The following ATG2B variants were observed in gnomAD, a reference collection of about 807,000 sequenced individuals.
ATG2B encodes the protein autophagy-related protein 2 homolog B.
In ATG2B, 121 loss-of-function variants were observed where a neutral mutation model predicts 241.3. That is an observed-to-expected ratio of 0.50 (90% confidence interval 0.43 to 0.58). ATG2B has a LOEUF of 0.58. ATG2B is among the 20% of genes least tolerant of loss of function. The pLI is 0.00. For missense variants in ATG2B, 2,306 were observed against 2,491.6 expected (o/e 0.93, Z 1.59); for synonymous variants, 858 against 876.6 (o/e 0.98, Z 0.37).
At chr14:96,291,239 G>A (rs1886476075) in intron 38 of ATG2B, among the ~76,000 whole-genome samples, 1 of 152,020 alleles carries the variant, frequency 6.6e-6, no homozygotes, top group Non-Finnish European at 1.5e-5. Flanking sequence ...TTTTTCCAAT[G>A]TTCTTATTTC....
rs1454025744 is a variant in ATG2B at position 96,303,168 on chromosome 14, T to C, written c.4930A>G (p.Ile1644Val). 2.5e-6 allele frequency: 4 copies of C among 1,613,488 alleles called. No individual in the cohort carries two copies. Among genetic ancestry groups the C allele is most frequent in the African/African-American group, 2.7e-5 (2 of 75,004 alleles). The change falls in exon 33 of 42, where the codon ATT becomes GTT. Residue 1644 changes from isoleucine (I) to valine (V), a missense_variant. By Grantham distance (29) the Ile-to-Val change is conservative. This residue lies in a region of ATG2B where 1,927 missense variants were observed against 2,011.2 expected (regional missense o/e 0.96). Coordinates refer to ENST00000359933, the MANE Select transcript of ATG2B (RefSeq NM_018036.7). ...TCTCGAATCTCAAGATCCTGAACAA[T>C]GAACACCTGCCGGGAGACTGGGTGT... ...SEHPVSRQVF[I>V]VQDLEIRDRL... is the part of the protein sequence containing the mutation.
In ATG2B at chr14:96,313,175, CAAAA is replaced by C; in HGVS notation, c.3750-22_3750-19del. On this transcript the variant is annotated intron_variant, in intron 24 of 41. Coordinates refer to ENST00000359933, the MANE Select transcript of ATG2B (RefSeq NM_018036.7). The stretch of plus-strand genomic sequence containing the variant: ...AAAGGGGTCTAATGCCAAAGAGAAA[CAAAA>C]GAACATCAGTTTGATACGGCTCCAG... 6.4e-7 allele frequency: 1 copy of C among 1,573,450 alleles called. No homozygotes were observed. Among genetic ancestry groups the C allele is most frequent in the Non-Finnish European group, 8.7e-7 (1 of 1,144,886 alleles).
Position 96,317,755 on chromosome 14 carries a change from G to A in ATG2B, c.2980C>T (p.Leu994Phe). Residue 994 changes from leucine (L) to phenylalanine (F), a missense_variant, in exon 19 of 42, where the codon CTC becomes TTC. Physicochemically the swap from Leu to Phe is conservative, Grantham distance 22 (BLOSUM62 0). Around this residue, in one of 2 missense-constraint regions of ATG2B, gnomAD observed 1,927 missense variants for 2,011.2 expected, o/e 0.96. Transcript: ENST00000359933. ...YGIGLSVASQLINTFNKDSFS... is the reference protein window; with the variant it reads ...YGIGLSVASQFINTFNKDSFS... ...CTATCTTTGTTGAAAGTATTAATGA[G>A]CTGACTGGCTACTGAAAGCCCAATG... The A allele has an allele frequency of 1.9e-6, 3 of 1,613,160 alleles. No homozygotes were observed. The highest frequency in any genetic ancestry group is 2.5e-6 in the Non-Finnish European group (3 of 1,179,354).
chr14:96,313,274 C>A (rs773165347), intron 24 of ATG2B, 55 bp downstream of exon 24: 1 of 1,433,238 alleles, frequency 7.0e-7, no homozygotes, highest in Non-Finnish European at 9.6e-7. Context: ...GTATTTTTTT[C>A]AAAATTTAGT....
chr14:96,289,834 G>A lies in ATG2B; in HGVS notation c.5857-29C>T. ...GATCATTTTGTCAAAAGGAAGAAAT[G>A]AATTAGAAGAAAGTCTGAAGAGTTA... On this transcript the variant is annotated intron_variant, in intron 40 of 41. Coordinates refer to ENST00000359933, the MANE Select transcript of ATG2B (RefSeq NM_018036.7). This position sits in a 1 kb window ranked among gnomAD's most constrained non-coding sequence, Gnocchi z 4.3. 6.2e-7 allele frequency: 1 copy of A among 1,612,530 alleles called. No homozygotes were observed. Among genetic ancestry groups the A allele is most frequent in the Non-Finnish European group, 8.5e-7 (1 of 1,179,032 alleles).
chr14:96,325,643 T>C lies in ATG2B; in HGVS notation c.2437+6A>G, dbSNP rs74086418. 788 of 1,607,852 alleles carry C rather than the reference T, an allele frequency of 4.9e-4. 5 individuals are homozygous for C. The African/African-American group carries it at 9.7e-3, about 20-fold the overall frequency. Reference sequence around the variant, plus strand: ...ATGGTTCTTTTACAGGCACATTCAATCTTACCAATTAGTTCTCTAAAGGTA... The same window carrying C: ...ATGGTTCTTTTACAGGCACATTCAACCTTACCAATTAGTTCTCTAAAGGTA... On this transcript the variant is annotated splice_donor_region_variant and intron_variant, in intron 15 of 41. Transcript: ENST00000359933.
At chr14:96,317,078 T>C in intron 20 of ATG2B, 67 bp downstream of exon 20, 1 of 1,359,526 alleles carries the variant, frequency 7.4e-7, no homozygotes, top group Non-Finnish European at 1.0e-6. Context: ...TCACTAGATA[T>C]GTATCCTAGC....
At chr14:96,291,011 T>A in intron 38 of ATG2B, 76 bp from the exon 39 acceptor site, 1 of 1,334,402 alleles carries the variant, frequency 7.5e-7, no homozygotes, top group Non-Finnish European at 1.0e-6. Context: ...GGTTTTTTTT[T>A]ACTTAAAACA....
At position 96,305,680 on chromosome 14, in the gene ATG2B, A is replaced by G. The variant is rs1381044797; in HGVS notation, c.4642T>C (p.Tyr1548His). The G allele has an allele frequency of 3.7e-6, 6 of 1,614,190 alleles. No homozygotes were observed. The highest frequency in any genetic ancestry group is 5.1e-6 in the Non-Finnish European group (6 of 1,180,016). The change falls in exon 31 of 42, where the codon TAT becomes CAT. Residue 1548 changes from tyrosine (Y) to histidine (H), a missense_variant. Tyr to His is a moderately conservative substitution (Grantham distance 83, BLOSUM62 2). This residue lies in a region of ATG2B where 1,927 missense variants were observed against 2,011.2 expected (regional missense o/e 0.96). Transcript: ENST00000359933. The part of the protein sequence containing the change: ...PLHFPIPVIR[Y>H]VVKEVSLVWH... ...ACAAGAGAGACCTCCTTCACCACATAGCGAATCACAGGAATGGGAAAGTGT... is the reference window on the plus strand; with the variant it reads ...ACAAGAGAGACCTCCTTCACCACATGGCGAATCACAGGAATGGGAAAGTGT...
Position 96,344,677 on chromosome 14 carries a change from A to G in ATG2B, c.558T>C (p.Thr186=), listed in dbSNP as rs764089540. The change falls in exon 4 of 42, where the codon ACT becomes ACC. Residue 186 remains threonine (T), a synonymous_variant. Transcript: ENST00000359933. ...ACCTTTCTATTCGAATTTCAAGTGC[A>G]GTTCCAGTTTTGGAATTTTCTGGCA... ...EHVPENSKTG[T]ALEIRIERTV... The G allele has an allele frequency of 6.2e-6, 10 of 1,603,864 alleles. No individual in the cohort carries two copies. In the East Asian group the frequency reaches 2.2e-4, roughly 36 times the overall value.
rs138698161 is a variant in ATG2B at position 96,340,631 on chromosome 14, G to C, written c.924+891C>G. On this transcript the variant is annotated intron_variant, in intron 6 of 41. Transcript: ENST00000359933. Reference sequence around the variant, plus strand: ...AACTTACACTTAAAAATAGTAAAGGGTCCTGGTGAGGTGGCTCATGCCTAT... The same window carrying C: ...AACTTACACTTAAAAATAGTAAAGGCTCCTGGTGAGGTGGCTCATGCCTAT... Among the ~76,000 whole-genome samples, 820 of 152,176 alleles carry C rather than the reference G, an allele frequency of 5.4e-3. 27 individuals carry two copies. The South Asian group carries it at 0.067, about 12-fold the overall frequency.
At chr14:96,341,081 G>A (rs1888022199) in intron 6 of ATG2B, among the ~76,000 whole-genome samples, 1 of 151,942 alleles carries the variant, frequency 6.6e-6, no homozygotes, top group African/African-American at 2.4e-5. Context: ...AAATAGATGG[G>A]TAGATATTTT....
chr14:96,334,371 TA>T, intron 7 of ATG2B, 33 bp downstream of exon 7: 1 of 1,393,722 alleles, frequency 7.2e-7, no homozygotes, highest in Non-Finnish European at 9.8e-7. Context: ...TTTAAAAAAG[TA>T]ACAAGTATAT....
chr14:96,308,191 TATATATAC>T (rs1187986770), intron 29 of ATG2B, among the ~76,000 whole-genome samples: 9 of 133,698 alleles, frequency 6.7e-5, no homozygotes, highest in African/African-American at 2.3e-4. Flanking sequence ...TACATAAATA[TATATATAC>T]ATATATATAT....
At chr14:96,310,631 C>G (rs574348575) in intron 28 of ATG2B, among the ~76,000 whole-genome samples, 35 of 152,202 alleles carry the variant, frequency 2.3e-4, no homozygotes, top group Admixed American at 3.3e-4. Flanking sequence ...TTTAACCTCT[C>G]TATCTCACCA....
intron 8 of ATG2B, 62 bp downstream of exon 8, chr14:96,333,626 A>G: frequency 1.3e-6 from 2 of 1,485,282 alleles, no homozygotes; most frequent in South Asian, 2.5e-5. Flanking sequence ...AGCCAAAATT[A>G]AGTGTAATTT....
chr14:96,336,310 G>A (rs1887867258), intron 6 of ATG2B, among the ~76,000 whole-genome samples: 1 of 152,102 alleles, frequency 6.6e-6, no homozygotes, highest in South Asian at 2.1e-4. Context: ...TGAGATCTAT[G>A]TTTCTCAATA....
In ATG2B at chr14:96,322,211, T is replaced by C; in HGVS notation, c.2780A>G (p.Asp927Gly). The C allele has an allele frequency of 6.3e-7, 1 of 1,598,326 alleles. No homozygotes were observed. Among genetic ancestry groups the C allele is most frequent in the Non-Finnish European group, 8.5e-7 (1 of 1,175,590 alleles). The change falls in exon 18 of 42, where the codon GAT becomes GGT. Residue 927 changes from aspartate to glycine, a missense_variant. By Grantham distance (94) the Asp-to-Gly change is moderately conservative. Around this residue, in one of 2 missense-constraint regions of ATG2B, gnomAD observed 1,927 missense variants for 2,011.2 expected, o/e 0.96. Coordinates refer to ENST00000359933, the MANE Select transcript of ATG2B (RefSeq NM_018036.7). ...GDPVEMTEFQ[D>G]KAISNSHYVL... ...ATAGTGAGAATTGCTGATTGCTTTATCCTGAAATTCTGTCATTTCTACAGG... is the reference window on the plus strand; with the variant it reads ...ATAGTGAGAATTGCTGATTGCTTTACCCTGAAATTCTGTCATTTCTACAGG...
At chr14:96,342,878 C>T (rs1398812821) in intron 5 of ATG2B, among the ~76,000 whole-genome samples, 1 of 152,070 alleles carries the variant, frequency 6.6e-6, no homozygotes, top group East Asian at 1.9e-4. Context: ...ACACCATTTT[C>T]CCCCAAGATA....
Sources: gnomAD v4.1 joint callset for allele counts (sites outside exome capture counted in the v4.1 genomes callset) on GRCh38, gnomAD v4.1.1 for gene constraint, gnomAD v4.1.1 regional missense constraint, Gnocchi (gnomAD v3.1) non-coding constraint, MANE v1.5 for transcripts, NCBI Gene and HGNC (gene_info 2026-07-23, HGNC 2026-07-21) for gene names.